Variants in ARHGEF3 observed in about 807,000 individuals in gnomAD.
ARHGEF3 encodes the protein Rho guanine nucleotide exchange factor 3.
Under a neutral mutation model 63.2 loss-of-function variants are expected in ARHGEF3, and 28 were observed. The ratio of observed to expected loss-of-function variants is 0.44; its 90% CI spans 0.33 to 0.61. The LOEUF (loss-of-function observed/expected upper bound fraction) is 0.61, where lower values mean the gene tolerates loss of function less well. Among genes scored for constraint, ARHGEF3 ranks in the 20% least tolerant of loss-of-function variants. ARHGEF3 has a pLI of 0.03. For synonymous variants in ARHGEF3, 266 were observed against 254.2 expected (o/e 1.05, Z -0.44); for missense variants, 533 against 659.3 (o/e 0.81, Z 2.10).
At chr3:56,733,465 G>C (rs902841052) in intron 8 of ARHGEF3, among the ~76,000 whole-genome samples, 6 of 147,190 alleles carry the variant, frequency 4.1e-5, no homozygotes, top group African/African-American at 1.5e-4. Flanking sequence ...GACAGAGCAA[G>C]ACTGTTTAAA....
chr3:56,815,547 A>C (rs1184063993), intron 4 of ARHGEF3, among the ~76,000 whole-genome samples: 1 of 152,232 alleles, frequency 6.6e-6, no homozygotes, highest in Non-Finnish European at 1.5e-5. Context: ...ATATGCATAT[A>C]GATTCTTTTA....
At chr3:56,868,129 T>C (rs2040317610) in intron 4 of ARHGEF3, among the ~76,000 whole-genome samples, 3 of 152,134 alleles carry the variant, frequency 2.0e-5, no homozygotes, top group Admixed American at 2.0e-4. Context: ...ATGAACAAAA[T>C]GAAAGGTCCT....
chr3:56,916,820 A>G (rs888216537), intron 3 of ARHGEF3, among the ~76,000 whole-genome samples: 1 of 152,216 alleles, frequency 6.6e-6, no homozygotes, highest in Non-Finnish European at 1.5e-5. Context: ...TCAATGATCT[A>G]CTTGAACTTT....
chr3:56,747,066 G>A (rs201778880), intron 6 of ARHGEF3, among the ~76,000 whole-genome samples: 1 of 48,824 alleles, frequency 2.0e-5, no homozygotes, highest in Non-Finnish European at 3.5e-5. Context: ...CACACACACA[G>A]AGAGAGAGAG....
intron 3 of ARHGEF3, chr3:56,938,956 A>G (rs1699041033): frequency 6.6e-6 from 1 of 151,918 alleles, no homozygotes; most frequent in South Asian, 2.1e-4. Flanking sequence ...TCCTGCCTGC[A>G]CTCTCTGTGA....
intron 1 of ARHGEF3, among the ~76,000 whole-genome samples, chr3:57,055,399 TG>T (rs1283498102): frequency 6.6e-6 from 1 of 152,128 alleles, no homozygotes; most frequent in Non-Finnish European, 1.5e-5. Context: ...TGACCTCAGG[TG>T]ATCTGCCCGC....
chr3:56,974,561 A>C (rs1270471567), intron 2 of ARHGEF3, among the ~76,000 whole-genome samples: 1 of 152,170 alleles, frequency 6.6e-6, no homozygotes, highest in Non-Finnish European at 1.5e-5. Flanking sequence ...CTGGAAATCT[A>C]ATTTAAGAAA....
At chr3:57,036,157 A>G (rs1331265645) in intron 1 of ARHGEF3, among the ~76,000 whole-genome samples, 3 of 152,160 alleles carry the variant, frequency 2.0e-5, no homozygotes, top group Admixed American at 6.5e-5. Context: ...TAAGTACTCA[A>G]TCAGTACTTA....
chr3:57,002,436 ATATATGCCAGGCACTGTTCTAAGCAC>A lies in ARHGEF3; in HGVS notation c.62+32626_62+32651del, dbSNP rs1331259363. Among the ~76,000 whole-genome samples the A allele has an allele frequency of 3.4e-3, 254 of 73,904 alleles. 4 individuals carry two copies. The highest frequency in any genetic ancestry group is 8.6e-3 in the Middle Eastern group (1 of 116). The allele number at this position is 73,904 out of a possible 152,430, so 48.5% of individuals were successfully genotyped here. A position where few individuals can be genotyped will look rare whatever the true frequency, so the allele number is the denominator to read the frequency against. ...ACTGTTCTAAGCACTATATATATATATATATGCCAGGCACTGTTCTAAGCACTATATATATATATATGTTATATATA... is the reference window on the plus strand; with the variant it reads ...ACTGTTCTAAGCACTATATATATATATATATATATATATATGTTATATATA... On this transcript the variant is annotated intron_variant, in intron 2 of 12. Coordinates refer to the ARHGEF3 transcript ENST00000338458.
At chr3:56,980,028 T>C (rs1268104524) in intron 2 of ARHGEF3, among the ~76,000 whole-genome samples, 1 of 152,160 alleles carries the variant, frequency 6.6e-6, no homozygotes, top group African/African-American at 2.4e-5. Flanking sequence ...TAACTCTTTG[T>C]GCCTCAGATT....
chr3:57,003,350 C>T (rs1296731883), intron 2 of ARHGEF3, among the ~76,000 whole-genome samples: 2 of 132,952 alleles, frequency 1.5e-5, no homozygotes, highest in African/African-American at 5.8e-5. Flanking sequence ...TTTCAGGGAG[C>T]TGAGATCGCA....
At chr3:56,755,943 C>A (rs557839504) in intron 2 of ARHGEF3, among the ~76,000 whole-genome samples, 2 of 152,272 alleles carry the variant, frequency 1.3e-5, no homozygotes, top group African/African-American at 2.4e-5. Context: ...AAAGAACCAC[C>A]CTTAGACATT....
intron 2 of ARHGEF3, among the ~76,000 whole-genome samples, chr3:56,987,792 C>G (rs1701601595): frequency 1.3e-5 from 2 of 152,246 alleles, no homozygotes; most frequent in South Asian, 4.1e-4. Flanking sequence ...CTCAGGGCCT[C>G]CACTCACAGC....
intron 2 of ARHGEF3, among the ~76,000 whole-genome samples, chr3:56,763,384 G>A (rs1055926018): frequency 1.3e-5 from 2 of 152,120 alleles, no homozygotes; most frequent in Non-Finnish European, 2.9e-5. Flanking sequence ...AACTACCTGG[G>A]CCAAATGGCT....
intron 4 of ARHGEF3, among the ~76,000 whole-genome samples, chr3:56,862,142 A>G (rs1441630672): frequency 6.6e-6 from 1 of 151,778 alleles, no homozygotes; most frequent in Non-Finnish European, 1.5e-5. Flanking sequence ...TTTAAAAGGA[A>G]TGGTATGGAG....
At chr3:56,794,719 C>T (rs1318015109) in intron 1 of ARHGEF3, among the ~76,000 whole-genome samples, 1 of 152,096 alleles carries the variant, frequency 6.6e-6, no homozygotes, top group Non-Finnish European at 1.5e-5. Context: ...CTACACACAT[C>T]CTCTTACACT....
At chr3:56,914,974 C>T (rs753687955) in intron 3 of ARHGEF3, among the ~76,000 whole-genome samples, 7 of 151,750 alleles carry the variant, frequency 4.6e-5, no homozygotes, top group Non-Finnish European at 1.0e-4. Flanking sequence ...AAACTATATA[C>T]TTAAAATAGT....
chr3:56,950,285 C>G lies in ARHGEF3; in HGVS notation c.129+8538G>C, dbSNP rs529518062. 1.2e-3 allele frequency among the ~76,000 whole-genome samples: 184 copies of G among 152,122 alleles called. 1 individual carries two copies. The highest frequency in any genetic ancestry group is 4.3e-3 in the African/African-American group (178 of 41,422). ...AAAAGCCAAAACTGACAAATGGGAT[C>G]TAATTAAACTAAAGAGCTTCTGCAC... On this transcript the variant is annotated intron_variant, in intron 3 of 12. Transcript: ENST00000338458.
intron 4 of ARHGEF3, among the ~76,000 whole-genome samples, chr3:56,814,783 C>T (rs568979387): frequency 3.9e-5 from 6 of 152,142 alleles, no homozygotes; most frequent in African/African-American, 1.4e-4. Flanking sequence ...AAGGATATGA[C>T]TGTTGCACAT....
Sources: allele counts gnomAD v4.1 joint callset (sites outside exome capture counted in the v4.1 genomes callset), GRCh38; gene constraint gnomAD v4.1.1; transcripts MANE v1.5; gene names NCBI Gene and HGNC (gene_info 2026-07-23, HGNC 2026-07-21).